ZSCAN22: variants seen among roughly 807,000 people sequenced by gnomAD.
ZSCAN22 encodes zinc finger and SCAN domain-containing protein 22.
ZSCAN22 carries 7 observed loss-of-function variants against 12.4 expected under a neutral mutation model. The ratio of observed to expected loss-of-function variants is 0.57; its 90% CI spans 0.32 to 1.06. ZSCAN22 has a LOEUF of 1.06. Among genes scored for constraint, ZSCAN22 ranks in the 50% least tolerant of loss-of-function variants. The pLI, the probability that ZSCAN22 is intolerant of heterozygous loss-of-function variation, is 0.04. For synonymous variants in ZSCAN22, 243 were observed against 255.9 expected (o/e 0.95, Z 0.48); for missense variants, 576 against 631.7 (o/e 0.91, Z 0.94).
Position 58,339,495 on chromosome 19 carries a change from A to G in ZSCAN22, c.*169A>G, listed in dbSNP as rs572072402. 7 of 643,634 alleles carry G rather than the reference A, an allele frequency of 1.1e-5. No individual in the cohort carries two copies. The East Asian group carries it at 1.9e-4, about 18-fold the overall frequency. 39.9% of individuals were successfully genotyped at this position (643,634 alleles called of 1,614,324 possible). ...CTGTCTAGGAACCACTCTGCATTTG[A>G]GGAACCCTGATGAGCACAAGGTGAT... On this transcript the variant is annotated 3_prime_UTR_variant, in exon 3 of 3. Coordinates refer to ENST00000329665, the MANE Select transcript of ZSCAN22 (RefSeq NM_181846.3). The surrounding 1 kb of genome is among the most constrained non-coding windows in gnomAD (Gnocchi z 5.6).
intron 1 of ZSCAN22, among the ~76,000 whole-genome samples, chr19:58,333,836 C>G (rs2051755660): frequency 6.6e-6 from 1 of 151,962 alleles, no homozygotes. Flanking sequence ...GAGGGAGACT[C>G]CGTCTCAAAA....
intron 1 of ZSCAN22, among the ~76,000 whole-genome samples, chr19:58,331,490 C>T (rs2051723629): frequency 6.7e-6 from 1 of 150,262 alleles, no homozygotes; most frequent in African/African-American, 2.4e-5. Flanking sequence ...GCTGGGATTA[C>T]AGGTGTGAGC....
At chr19:58,336,641 C>T (rs558234572) in intron 2 of ZSCAN22, among the ~76,000 whole-genome samples, 25 of 152,282 alleles carry the variant, frequency 1.6e-4, no homozygotes, top group African/African-American at 4.6e-4. Context: ...TAACTGTGAT[C>T]CTGTACCAGT....
Position 58,329,629 on chromosome 19 carries a change from A to G in ZSCAN22, c.-52+2515A>G, listed in dbSNP as rs898977099. On this transcript the variant is annotated intron_variant, in intron 1 of 2. Transcript: ENST00000329665. This position sits in a 1 kb window ranked among gnomAD's most constrained non-coding sequence, Gnocchi z 4.1. Reference sequence around the variant, plus strand: ...CTTCAGTTTTGGTGAATATAGTACAATAAAATATTTTGAGAGAGAGAGAAA... The same window carrying G: ...CTTCAGTTTTGGTGAATATAGTACAGTAAAATATTTTGAGAGAGAGAGAAA... Among the ~76,000 whole-genome samples, 11 of 152,252 alleles carry G rather than the reference A, an allele frequency of 7.2e-5. No homozygotes were observed. Among genetic ancestry groups the G allele is most frequent in the African/African-American group, 2.7e-4 (11 of 41,462 alleles).
Position 58,341,231 on chromosome 19 carries a change from T to C in ZSCAN22, c.*1905T>C, listed in dbSNP as rs2051871394. ...CAGTGGCCTCAATAAAATGTGACTG[T>C]ATTGAGTCATTTTCTAGGGCCCCAG... On this transcript the variant is annotated 3_prime_UTR_variant, in exon 3 of 3. Transcript: ENST00000329665. 6.6e-6 allele frequency: 1 copy of C among 152,190 alleles called. No individual in the cohort carries two copies. The highest frequency in any genetic ancestry group is 6.5e-5 in the Admixed American group (1 of 15,276). 9.4% of individuals were successfully genotyped at this position (152,190 alleles called of 1,614,324 possible). A position where few individuals can be genotyped will look rare whatever the true frequency, so the allele number is the denominator to read the frequency against.
At position 58,340,860 on chromosome 19, in the gene ZSCAN22, C is replaced by T. The variant is rs577291640; in HGVS notation, c.*1534C>T. The T allele has an allele frequency of 4.9e-4, 74 of 152,228 alleles. No homozygotes were observed. The highest frequency in any genetic ancestry group is 1.7e-3 in the African/African-American group (69 of 41,548). 9.4% of individuals were successfully genotyped at this position (152,228 alleles called of 1,614,324 possible). A position where few individuals can be genotyped will look rare whatever the true frequency, so the allele number is the denominator to read the frequency against. ...TCTCCGGGAGCAGACTTCAGCTTGC[C>T]CTCTCTGCTTCCAGAGCACCTCCTA... is the stretch of plus-strand genomic sequence containing the variant. On this transcript the variant is annotated 3_prime_UTR_variant, in exon 3 of 3. Transcript: ENST00000329665.
Position 58,334,798 on chromosome 19 carries a change from G to T in ZSCAN22, c.-5G>T. On this transcript the variant is annotated 5_prime_UTR_variant, in exon 2 of 3. Coordinates refer to ENST00000329665, the MANE Select transcript of ZSCAN22 (RefSeq NM_181846.3). ...ATCCTGTGTCTCACTGAGCACTGCT[G>T]CCCGATGGCCATCCCCAAGCACTCC... 6.3e-7 allele frequency: 1 copy of T among 1,592,430 alleles called. No individual in the cohort carries two copies. The highest frequency in any genetic ancestry group is 1.1e-5 in the South Asian group (1 of 89,208).
At position 58,334,936 on chromosome 19, in the gene ZSCAN22, CTG is replaced by C. The variant is rs1289303076; in HGVS notation, c.135_136del (p.Glu46GlyfsTer12). 6.2e-7 allele frequency: 1 copy of C among 1,614,176 alleles called. No individual in the cohort carries two copies. The highest frequency in any genetic ancestry group is 1.7e-5 in the Admixed American group (1 of 60,030). On this transcript the variant is annotated frameshift_variant, in exon 2 of 3. Transcript: ENST00000329665. LOFTEE classifies it high-confidence loss of function. Reference sequence around the variant, plus strand: ...TCCAGCCATGACCACATTGCTCACTCTGAGGCTGCACGCCTGCGCTTCCGGCA... The same window carrying C: ...TCCAGCCATGACCACATTGCTCACTCAGGCTGCACGCCTGCGCTTCCGGCA...
intron 1 of ZSCAN22, among the ~76,000 whole-genome samples, chr19:58,330,172 C>A (rs1326135011): frequency 6.6e-6 from 1 of 152,070 alleles, no homozygotes; most frequent in Non-Finnish European, 1.5e-5. Context: ...TGCCTGTAGT[C>A]CCAGCTACTC....
rs753589505 is a variant in ZSCAN22, at chr19:58,339,045, C to A, written c.1195C>A (p.Gln399Lys). The A allele has an allele frequency of 6.2e-7, 1 of 1,614,200 alleles. No homozygotes were observed. The highest frequency in any genetic ancestry group is 1.7e-5 in the Admixed American group (1 of 60,034). ...FSQSTHLTQH[Q>K]RIHTGEKPYK... The stretch of plus-strand genomic sequence containing the variant: ...CCAGAGCACGCACCTGACTCAACAC[C>A]AGCGCATCCACACCGGGGAGAAGCC... Residue 399 changes from glutamine to lysine, a missense_variant, in exon 3 of 3, where the codon CAG (glutamine) becomes AAG (lysine). Coordinates refer to ENST00000329665, the MANE Select transcript of ZSCAN22 (RefSeq NM_181846.3). This position sits in a 1 kb window ranked among gnomAD's most constrained non-coding sequence, Gnocchi z 5.6.
At position 58,338,176 on chromosome 19, in the gene ZSCAN22, G is replaced by A; in HGVS notation, c.404-78G>A. The A allele has an allele frequency of 1.5e-6, 2 of 1,341,206 alleles. No individual in the cohort carries two copies. The highest frequency in any genetic ancestry group is 2.0e-6 in the Non-Finnish European group (2 of 976,536). The allele number at this position is 1,341,206 out of a possible 1,614,324, so 83.1% of individuals were successfully genotyped here. On this transcript the variant is annotated intron_variant, in intron 2 of 2. Transcript: ENST00000329665. The surrounding 1 kb of genome is among the most constrained non-coding windows in gnomAD (Gnocchi z 5.4). ...AACGGGCCACATCTCCCCTTACAAAGTGTGACCGGGGCCCTCGGCAGAGTA... is the reference window on the plus strand; with the variant it reads ...AACGGGCCACATCTCCCCTTACAAAATGTGACCGGGGCCCTCGGCAGAGTA...
At chr19:58,337,411 G>T (rs1419856476) in intron 2 of ZSCAN22, among the ~76,000 whole-genome samples, 1 of 149,008 alleles carries the variant, frequency 6.7e-6, no homozygotes, top group Non-Finnish European at 1.5e-5. Context: ...ACCCCACAGA[G>T]ATCAGAGCCT....
chr19:58,329,055 C>T lies in ZSCAN22; in HGVS notation c.-52+1941C>T, dbSNP rs1298169539. 1.3e-5 allele frequency among the ~76,000 whole-genome samples: 2 copies of T among 152,052 alleles called. No individual in the cohort carries two copies. The highest frequency in any genetic ancestry group is 2.9e-5 in the Non-Finnish European group (2 of 68,010). On this transcript the variant is annotated intron_variant, in intron 1 of 2. Coordinates refer to ENST00000329665, the MANE Select transcript of ZSCAN22 (RefSeq NM_181846.3). This position sits in a 1 kb window ranked among gnomAD's most constrained non-coding sequence, Gnocchi z 4.1. ...GAGGAAAGTGGCAGCTAAGATGAGG[C>T]CTAGAGAGCCCAGAGGAATCCGTCA...
At chr19:58,327,136 CGT>C (rs1163349803) in intron 1 of ZSCAN22, 22 bp downstream of exon 1, 1 of 152,604 alleles carries the variant, frequency 6.6e-6, no homozygotes, top group Non-Finnish European at 1.5e-5. Flanking sequence ...GGGTGTTCTC[CGT>C]CCTGATCCAG....
chr19:58,340,348 C>T lies in ZSCAN22; in HGVS notation c.*1022C>T, dbSNP rs2051856287. ...CAGTGAAAATGGCCTCATCTCATAC[C>T]ATGGCTCCACCTTCCATACACCAGC... On this transcript the variant is annotated 3_prime_UTR_variant, in exon 3 of 3. Coordinates refer to ENST00000329665, the MANE Select transcript of ZSCAN22 (RefSeq NM_181846.3). 1 of 152,224 alleles carries T rather than the reference C, an allele frequency of 6.6e-6. No individual in the cohort carries two copies. The highest frequency in any genetic ancestry group is 2.4e-5 in the African/African-American group (1 of 41,438). 9.4% of individuals were successfully genotyped at this position (152,224 alleles called of 1,614,324 possible).
At chr19:58,336,733 C>T (rs538116907) in intron 2 of ZSCAN22, among the ~76,000 whole-genome samples, 6 of 152,284 alleles carry the variant, frequency 3.9e-5, no homozygotes, top group African/African-American at 1.4e-4. Context: ...GAGAGCAGGT[C>T]GAAGCTGAAA....
At chr19:58,331,598 G>A (rs1204096181) in intron 1 of ZSCAN22, among the ~76,000 whole-genome samples, 1 of 148,922 alleles carries the variant, frequency 6.7e-6, no homozygotes, top group Admixed American at 6.7e-5. Flanking sequence ...AGGCTGGAGT[G>A]CAGTGGCGTG....
At position 58,331,179 on chromosome 19, in the gene ZSCAN22, A is replaced by G. The variant is rs79963797; in HGVS notation, c.-51-3573A>G. Among the ~76,000 whole-genome samples the G allele has an allele frequency of 8.5e-4, 130 of 152,206 alleles. 4 individuals carry two copies. The East Asian group carries it at 0.025, about 29-fold the overall frequency. On this transcript the variant is annotated intron_variant, in intron 1 of 2. Coordinates refer to ENST00000329665, the MANE Select transcript of ZSCAN22 (RefSeq NM_181846.3). Reference sequence around the variant, plus strand: ...GTCTTTTGTGTAGAGGCCTGACTTAAATAAGGGAGAGAACACCCAACAATT... The same window carrying G: ...GTCTTTTGTGTAGAGGCCTGACTTAGATAAGGGAGAGAACACCCAACAATT...
intron 1 of ZSCAN22, among the ~76,000 whole-genome samples, chr19:58,333,906 G>A (rs962591288): frequency 1.2e-4 from 18 of 152,262 alleles, no homozygotes; most frequent in Middle Eastern, 6.8e-3. Context: ...ACAGAAATTA[G>A]AAAATATTTT....
Sources: allele counts gnomAD v4.1 joint callset (sites outside exome capture counted in the v4.1 genomes callset), GRCh38; gene constraint gnomAD v4.1.1; non-coding constraint Gnocchi (gnomAD v3.1); transcripts MANE v1.5; gene names NCBI Gene and HGNC (gene_info 2026-07-23, HGNC 2026-07-21).